The following LSAMP variants were observed in gnomAD, a reference collection of about 807,000 sequenced individuals.
LSAMP encodes the protein limbic system associated membrane protein.
LSAMP carries 7 observed loss-of-function variants against 38.6 expected under a neutral mutation model. The ratio of observed to expected loss-of-function variants is 0.18; its 90% confidence interval spans 0.10 to 0.34. LSAMP has a LOEUF of 0.34. Ranked by LOEUF, LSAMP falls within the 10% of genes least tolerant of loss-of-function variation. The pLI is 1.00. For synonymous variants in LSAMP, 154 were observed against 166.8 expected (o/e 0.92, Z 0.59); for missense variants, 313 against 420.0 (o/e 0.75, Z 2.23).
chr3:116,090,858 G>C (rs1459700408), intron 1 of LSAMP, among the ~76,000 whole-genome samples: 5 of 152,178 alleles, frequency 3.3e-5, no homozygotes, highest in African/African-American at 9.7e-5. Flanking sequence ...TAAGGCAAGT[G>C]GAGGCAGGGC....
At chr3:116,248,449 T>C (rs2046630854) in intron 1 of LSAMP, among the ~76,000 whole-genome samples, 1 of 150,322 alleles carries the variant, frequency 6.7e-6, no homozygotes, top group African/African-American at 2.5e-5. Context: ...CTGTCTAGCC[T>C]GGGCAATATA....
intron 6 of LSAMP, among the ~76,000 whole-genome samples, chr3:115,827,336 CTT>C (rs10712971): frequency 1.7e-3 from 229 of 136,842 alleles, no homozygotes; most frequent in Middle Eastern, 3.7e-3. Flanking sequence ...TTTTCTACTG[CTT>C]TTTTTTTTTT....
intron 1 of LSAMP, among the ~76,000 whole-genome samples, chr3:116,196,247 G>A (rs1277181705): frequency 6.6e-6 from 1 of 152,156 alleles, no homozygotes; most frequent in African/African-American, 2.4e-5. Context: ...CTCATTTAGA[G>A]TGATGTTAGG....
chr3:116,136,138 C>G (rs1288485606), intron 1 of LSAMP, among the ~76,000 whole-genome samples: 2 of 152,142 alleles, frequency 1.3e-5, no homozygotes, highest in Non-Finnish European at 2.9e-5. Flanking sequence ...TAAAACCACC[C>G]ATTTCTTTCA....
chr3:116,434,807 C>T (rs1319632986), intron 1 of LSAMP, among the ~76,000 whole-genome samples: 1 of 152,160 alleles, frequency 6.6e-6, no homozygotes, highest in East Asian at 1.9e-4. Flanking sequence ...GCCTCAGCCT[C>T]CCAAAGTGTT....
intron 3 of LSAMP, among the ~76,000 whole-genome samples, chr3:115,902,076 C>A (rs1026361192): frequency 2.0e-5 from 3 of 151,882 alleles, no homozygotes; most frequent in East Asian, 3.9e-4. Flanking sequence ...TAAAAACATA[C>A]AAATCAACTC....
intron 3 of LSAMP, among the ~76,000 whole-genome samples, chr3:116,001,259 C>A (rs1395745495): frequency 6.6e-6 from 1 of 152,148 alleles, no homozygotes; most frequent in Non-Finnish European, 1.5e-5. Flanking sequence ...GAACATAATA[C>A]AATTCTTTGA....
In LSAMP at chr3:116,193,307, G is replaced by A. The variant is rs544287530; in HGVS notation, c.156-106751C>T. 4.6e-5 allele frequency among the ~76,000 whole-genome samples: 7 copies of A among 152,264 alleles called. 1 individual carries two copies. Among genetic ancestry groups the A allele is most frequent in the Admixed American group, 4.6e-4 (7 of 15,292 alleles). ...CTCCTCTGGTGTTAGGGAAACTGGA[G>A]GACTTGAGCTCATTCAGGCAGGATC... is the stretch of plus-strand genomic sequence containing the variant. On this transcript the variant is annotated intron_variant, in intron 1 of 6. Coordinates refer to ENST00000490035, the MANE Select transcript of LSAMP (RefSeq NM_002338.5).
chr3:116,006,398 T>C (rs1415166236), intron 3 of LSAMP, among the ~76,000 whole-genome samples: 2 of 152,042 alleles, frequency 1.3e-5, no homozygotes, highest in Non-Finnish European at 2.9e-5. Flanking sequence ...TGTGAGAAAA[T>C]ACATCCTGCA....
chr3:115,823,653 T>C (rs1934318698), intron 6 of LSAMP, among the ~76,000 whole-genome samples: 1 of 152,176 alleles, frequency 6.6e-6, no homozygotes, highest in Non-Finnish European at 1.5e-5. Flanking sequence ...AAAAAAAACC[T>C]TTAAATGTGG....
intron 1 of LSAMP, among the ~76,000 whole-genome samples, chr3:116,390,934 A>G (rs2048686150): frequency 6.6e-6 from 1 of 152,036 alleles, no homozygotes; most frequent in Non-Finnish European, 1.5e-5. Context: ...CACTCAGAAC[A>G]GCTGACACCT....
intron 1 of LSAMP, among the ~76,000 whole-genome samples, chr3:116,284,770 AC>A (rs1184380744): frequency 6.6e-6 from 1 of 152,224 alleles, no homozygotes; most frequent in Non-Finnish European, 1.5e-5. Flanking sequence ...TGGTTTCCAA[AC>A]TTCAGAATCC....
chr3:116,088,296 T>G (rs1708039689), intron 1 of LSAMP, among the ~76,000 whole-genome samples: 1 of 152,218 alleles, frequency 6.6e-6, no homozygotes, highest in Non-Finnish European at 1.5e-5. Context: ...AACATCTCCA[T>G]TTCCCAGTAT....
chr3:116,316,953 C>T (rs1003216516), intron 1 of LSAMP, among the ~76,000 whole-genome samples: 5 of 151,986 alleles, frequency 3.3e-5, no homozygotes, highest in Non-Finnish European at 7.4e-5. Flanking sequence ...CAGTACTGTT[C>T]CAGTGATACT....
intron 1 of LSAMP, among the ~76,000 whole-genome samples, chr3:116,311,709 C>T (rs966143506): frequency 3.3e-5 from 5 of 152,094 alleles, no homozygotes; most frequent in Admixed American, 3.3e-4. Context: ...TATAATTGTA[C>T]ATAACTTAAG....
intron 1 of LSAMP, among the ~76,000 whole-genome samples, chr3:116,209,543 T>C (rs535373128): frequency 2.4e-4 from 36 of 152,258 alleles, no homozygotes; most frequent in African/African-American, 8.4e-4. Context: ...AAGGTTCAAA[T>C]TGATATGTTT....
chr3:116,169,724 C>A (rs1710150447), intron 1 of LSAMP, among the ~76,000 whole-genome samples: 1 of 152,200 alleles, frequency 6.6e-6, no homozygotes. Context: ...TTCTTAAATT[C>A]ATTTCATTCT....
chr3:116,106,755 T>C (rs969478963), intron 1 of LSAMP, among the ~76,000 whole-genome samples: 7 of 152,140 alleles, frequency 4.6e-5, no homozygotes, highest in African/African-American at 1.4e-4. Context: ...GGCCTCTACC[T>C]ATCTAGTGAA....
chr3:116,230,299 C>A (rs2046389102), intron 1 of LSAMP, among the ~76,000 whole-genome samples: 2 of 151,942 alleles, frequency 1.3e-5, no homozygotes, highest in African/African-American at 4.8e-5. Flanking sequence ...GTTGGGCAGT[C>A]CTTCCTAGTT....
Sources: gnomAD v4.1 joint callset for allele counts (sites outside exome capture counted in the v4.1 genomes callset) on GRCh38, gnomAD v4.1.1 for gene constraint, MANE v1.5 for transcripts, NCBI Gene and HGNC (gene_info 2026-07-23, HGNC 2026-07-21) for gene names.